The following RBM47 variants were observed in gnomAD, a reference collection of about 807,000 sequenced individuals.
The protein encoded by RBM47 is RNA-binding protein 47.
In RBM47, 21 loss-of-function variants were observed where a neutral mutation model predicts 47.1. That is an observed-to-expected ratio of 0.45 (90% confidence interval 0.32 to 0.64). RBM47 has a LOEUF of 0.64. RBM47 is among the 30% of genes least tolerant of loss of function. The probability of loss-of-function intolerance (pLI) is 0.05; values close to 1 mark genes in which losing one functional copy is unlikely to be tolerated. For synonymous variants in RBM47, 375 were observed against 361.7 expected, an observed-to-expected ratio of 1.04 and a Z score of -0.42; for missense variants, 708 against 870.9, an observed-to-expected ratio of 0.81 and a Z score of 2.35.
intron 2 of RBM47, chr4:40,514,592 C>T: frequency 6.6e-6 from 1 of 152,238 alleles, no homozygotes; most frequent in Non-Finnish European, 1.5e-5. Context: ...CCTTCAAAAA[C>T]CATGGCTCAG....
At chr4:40,435,448 T>C (rs147453960) in intron 5 of RBM47, among the ~76,000 whole-genome samples, 10,606 of 150,704 alleles carry the variant, frequency 0.07, 465 homozygotes, top group African/African-American at 0.12. Flanking sequence ...ACTCGGGAGG[T>C]TGAGGCAGGA....
rs1712263797 is a variant in RBM47, at chr4:40,435,926, A to G, written c.1330+515T>C. Among the ~76,000 whole-genome samples, 3 of 150,808 alleles carry G rather than the reference A, an allele frequency of 2.0e-5. 1 individual carries two copies. The highest frequency in any genetic ancestry group is 1.3e-4 in the Admixed American group (2 of 15,012). On this transcript the variant is annotated intron_variant, in intron 5 of 6. Coordinates refer to ENST00000295971, the MANE Select transcript of RBM47 (RefSeq NM_001098634.2). ...CTAATCCCAGCACTTTGGGAGGCCG[A>G]GACGGGTGGATCATAAGGTCAGGAG...
chr4:40,505,678 G>A (rs984997143), intron 2 of RBM47, among the ~76,000 whole-genome samples: 2 of 151,520 alleles, frequency 1.3e-5, no homozygotes, highest in Non-Finnish European at 1.5e-5. Flanking sequence ...ACGAGGTCAG[G>A]AGTTCGAGAC....
At chr4:40,606,490 C>T (rs1274477205) in intron 1 of RBM47, among the ~76,000 whole-genome samples, 1 of 152,200 alleles carries the variant, frequency 6.6e-6, no homozygotes, top group Non-Finnish European at 1.5e-5. Context: ...TCATCCATCA[C>T]TCTCTCCTGC....
chr4:40,488,870 G>A (rs976102687), intron 2 of RBM47, among the ~76,000 whole-genome samples: 18 of 152,124 alleles, frequency 1.2e-4, no homozygotes, highest in African/African-American at 3.9e-4. Context: ...TAATCCTCAC[G>A]ACAATCCTAT....
At chr4:40,500,797 G>T (rs1471128071) in intron 2 of RBM47, among the ~76,000 whole-genome samples, 5 of 152,066 alleles carry the variant, frequency 3.3e-5, no homozygotes, top group Non-Finnish European at 7.4e-5. Flanking sequence ...CTTTTCTTAT[G>T]CTTTCTCAAT....
intron 6 of RBM47, among the ~76,000 whole-genome samples, 165 bp downstream of exon 6, chr4:40,432,485 AT>A (rs1376960531): frequency 7.9e-5 from 12 of 151,682 alleles, no homozygotes; most frequent in Admixed American, 3.9e-4. Flanking sequence ...TTAATTAAAA[AT>A]TTTTTTTTCT....
At chr4:40,549,047 C>T (rs1259206266) in intron 1 of RBM47, among the ~76,000 whole-genome samples, 2 of 151,878 alleles carry the variant, frequency 1.3e-5, no homozygotes, top group Non-Finnish European at 2.9e-5. Flanking sequence ...AGGAAACTAA[C>T]CTTACTCATT....
At chr4:40,496,328 A>AC (rs1491388248) in intron 2 of RBM47, among the ~76,000 whole-genome samples, 20 of 83,752 alleles carry the variant, frequency 2.4e-4, no homozygotes, top group African/African-American at 9.5e-4. Context: ...TGGAGAACTT[A>AC]AACACACACA....
rs376169125 is a variant in RBM47, at chr4:40,454,874, T to C, written c.-32+11703A>G. Among the ~76,000 whole-genome samples, 4 of 152,146 alleles carry C rather than the reference T, an allele frequency of 2.6e-5. No individual in the cohort carries two copies. The East Asian group carries it at 7.7e-4, about 29-fold the overall frequency. Reference sequence around the variant, plus strand: ...CTTACAGAATTGAAATGTAGGTCAATCTGATGACAAAGCCAAAGCTCTTTC... The same window carrying C: ...CTTACAGAATTGAAATGTAGGTCAACCTGATGACAAAGCCAAAGCTCTTTC... On this transcript the variant is annotated intron_variant, in intron 3 of 6. Coordinates refer to ENST00000295971, the MANE Select transcript of RBM47 (RefSeq NM_001098634.2).
intron 1 of RBM47, among the ~76,000 whole-genome samples, chr4:40,567,369 G>A (rs1232997262): frequency 6.6e-6 from 1 of 151,958 alleles, no homozygotes; most frequent in Non-Finnish European, 1.5e-5. Flanking sequence ...CTATATATAA[G>A]TTCTCTCATT....
intron 1 of RBM47, among the ~76,000 whole-genome samples, chr4:40,620,428 C>CT (rs758476656): frequency 3.3e-5 from 5 of 151,852 alleles, no homozygotes; most frequent in African/African-American, 4.8e-5. Context: ...TGGCTTGAGC[C>CT]TGGGAGGTGG....
chr4:40,575,234 A>G (rs1732172021), intron 1 of RBM47, among the ~76,000 whole-genome samples: 1 of 152,184 alleles, frequency 6.6e-6, no homozygotes, highest in African/African-American at 2.4e-5. Context: ...TCACAAAGGG[A>G]ATGTTATTAA....
At chr4:40,606,812 T>C (rs1054071721) in intron 1 of RBM47, among the ~76,000 whole-genome samples, 2 of 152,108 alleles carry the variant, frequency 1.3e-5, no homozygotes, top group African/African-American at 4.8e-5. Context: ...GTTACAAGCC[T>C]GAGCAACACA....
intron 1 of RBM47, among the ~76,000 whole-genome samples, chr4:40,584,867 G>GTGTT (rs56237615): frequency 0.56 from 85,256 of 151,152 alleles, 24,736 homozygotes; most frequent in African/African-American, 0.66. Context: ...TAGATCATGT[G>GTGTT]TGTTTGTTTG....
chr4:40,434,449 C>T (rs1711958300), intron 5 of RBM47, among the ~76,000 whole-genome samples: 1 of 152,118 alleles, frequency 6.6e-6, no homozygotes, highest in South Asian at 2.1e-4. Flanking sequence ...CCTCAGGCTC[C>T]AGGACACAAC....
At chr4:40,583,863 AAAAAAAACAAAAAAC>A (rs1560486555) in intron 1 of RBM47, among the ~76,000 whole-genome samples, 3 of 130,024 alleles carry the variant, frequency 2.3e-5, no homozygotes, top group East Asian at 4.1e-4. Context: ...GTCTCAAAAA[AAAAAAAACAAAAAAC>A]AAAAAACAAA....
intron 1 of RBM47, among the ~76,000 whole-genome samples, chr4:40,554,714 G>C (rs371994708): frequency 1.3e-5 from 2 of 151,600 alleles, no homozygotes. Context: ...AAAATCCGAC[G>C]CTCTAGTTCC....
intron 2 of RBM47, among the ~76,000 whole-genome samples, chr4:40,519,804 G>C (rs1251581803): frequency 5.9e-5 from 9 of 151,694 alleles, no homozygotes; most frequent in Non-Finnish European, 4.4e-5. Flanking sequence ...CGAGTAGATG[G>C]GACAACAGGC....
Sources: gnomAD v4.1 joint callset for allele counts (sites outside exome capture counted in the v4.1 genomes callset) on GRCh38, gnomAD v4.1.1 for gene constraint, MANE v1.5 for transcripts, NCBI Gene and HGNC (gene_info 2026-07-23, HGNC 2026-07-21) for gene names.